PTPRN2: variants seen among roughly 807,000 people sequenced by gnomAD.
The protein encoded by PTPRN2 is receptor-type tyrosine-protein phosphatase N2.
A neutral mutation model predicts 118.8 loss-of-function variants in PTPRN2; 74 were observed. The ratio of observed to expected loss-of-function variants is 0.62; its 90% confidence interval spans 0.52 to 0.76. The LOEUF is 0.76. Among genes scored for constraint, PTPRN2 ranks in the 30% least tolerant of loss-of-function variants. The pLI is 0.00. For missense variants in PTPRN2, 1,481 were observed against 1,394.4 expected, an observed-to-expected ratio of 1.06 and a Z score of -0.99; for synonymous variants, 641 against 608.0, an observed-to-expected ratio of 1.05 and a Z score of -0.80.
intron 5 of PTPRN2, among the ~76,000 whole-genome samples, chr7:158,176,815 A>G (rs1454043473): frequency 6.6e-6 from 1 of 152,244 alleles, no homozygotes; most frequent in Non-Finnish European, 1.5e-5. Context: ...AAACTTTTAA[A>G]AAACTCAAAT....
At chr7:158,046,971 G>A (rs1808924527) in intron 11 of PTPRN2, among the ~76,000 whole-genome samples, 1 of 152,194 alleles carries the variant, frequency 6.6e-6, no homozygotes, top group African/African-American at 2.4e-5. Flanking sequence ...CAGTACAGGG[G>A]CAGGCAATCA....
rs529158650 is a variant in PTPRN2 at position 158,011,494 on chromosome 7, G to T, written c.1723+69804C>A. On this transcript the variant is annotated intron_variant, in intron 11 of 22. Coordinates refer to ENST00000389418, the MANE Select transcript of PTPRN2 (RefSeq NM_002847.5). ...CATGTTTAAAAGAAACCCCCAAACC[G>T]TCAGACCATCGTCACCGACGATCAC... Among the ~76,000 whole-genome samples, 23 of 152,272 alleles carry T rather than the reference G, an allele frequency of 1.5e-4. No homozygotes were observed. The East Asian group carries it at 2.1e-3, about 14-fold the overall frequency.
At chr7:158,318,759 G>T (rs576328193) in intron 2 of PTPRN2, among the ~76,000 whole-genome samples, 1 of 152,362 alleles carries the variant, frequency 6.6e-6, no homozygotes, top group South Asian at 2.1e-4. Flanking sequence ...CCCCCGGGGT[G>T]GACGTGCGTG....
intron 1 of PTPRN2, among the ~76,000 whole-genome samples, chr7:158,586,758 G>A (rs912453275): frequency 2.0e-5 from 3 of 152,202 alleles, no homozygotes; most frequent in African/African-American, 4.8e-5. Flanking sequence ...CTGCCCGCGG[G>A]GGGGTGCGGG....
intron 2 of PTPRN2, among the ~76,000 whole-genome samples, chr7:158,361,508 C>T (rs1808959072): frequency 6.6e-6 from 1 of 152,248 alleles, no homozygotes; most frequent in East Asian, 1.9e-4. Flanking sequence ...AGGCCATCCA[C>T]ACCTGGCAGA....
rs1234434084 is a variant in PTPRN2 at position 157,953,539 on chromosome 7, G to A, written c.1724-54802C>T. On this transcript the variant is annotated intron_variant, in intron 11 of 22. Coordinates refer to ENST00000389418, the MANE Select transcript of PTPRN2 (RefSeq NM_002847.5). The surrounding 1 kb of genome is among the most constrained non-coding windows in gnomAD (Gnocchi z 4.6). ...GCCTTTGCTGCCGGCTGCTGTCTGT[G>A]CTGCCCTGCAACCTGGATCCACATG... Among the ~76,000 whole-genome samples the A allele has an allele frequency of 6.6e-6, 1 of 152,182 alleles. No individual in the cohort carries two copies. Among genetic ancestry groups the A allele is most frequent in the Non-Finnish European group, 1.5e-5 (1 of 68,028 alleles).
chr7:157,860,834 C>T (rs564317297), intron 12 of PTPRN2, among the ~76,000 whole-genome samples: 3 of 152,236 alleles, frequency 2.0e-5, no homozygotes, highest in East Asian at 3.8e-4. Context: ...CACTGACGGC[C>T]GGGGCTGGTC....
Position 158,138,950 on chromosome 7 carries a change from A to G in PTPRN2, c.911-435T>C, listed in dbSNP as rs561079897. Reference sequence around the variant, plus strand: ...GCAAGGACAGCGCCCTGCCCAGGACACCCTGCCCAGCACACCCTGCCCAGC... The same window carrying G: ...GCAAGGACAGCGCCCTGCCCAGGACGCCCTGCCCAGCACACCCTGCCCAGC... On this transcript the variant is annotated intron_variant, in intron 6 of 22. Coordinates refer to ENST00000389418, the MANE Select transcript of PTPRN2 (RefSeq NM_002847.5). Among the ~76,000 whole-genome samples, 11 of 134,382 alleles carry G rather than the reference A, an allele frequency of 8.2e-5. No individual in the cohort carries two copies. In the East Asian group the frequency reaches 2.0e-3, roughly 24 times the overall value. 88.2% of individuals were successfully genotyped at this position (134,382 alleles called of 152,430 possible).
At position 157,615,565 on chromosome 7, in the gene PTPRN2, A is replaced by C; in HGVS notation, c.2344+5797T>G. 2.1e-6 allele frequency: 1 copy of C among 471,206 alleles called. No homozygotes were observed. The highest frequency in any genetic ancestry group is 1.5e-5 in the South Asian group (1 of 64,566). 29.2% of individuals were successfully genotyped at this position (471,206 alleles called of 1,614,324 possible). A position where few individuals can be genotyped will look rare whatever the true frequency, so the allele number is the denominator to read the frequency against. ...CCGTGGAAACAATCTCAGCCCTGGAACCAGCGCCTGGGAAGTCCCGCGGTG... is the reference window on the plus strand; with the variant it reads ...CCGTGGAAACAATCTCAGCCCTGGACCCAGCGCCTGGGAAGTCCCGCGGTG... On this transcript the variant is annotated intron_variant, in intron 15 of 22. Transcript: ENST00000389418. This position sits in a 1 kb window ranked among gnomAD's most constrained non-coding sequence, Gnocchi z 4.3.
intron 3 of PTPRN2, among the ~76,000 whole-genome samples, chr7:158,208,120 T>C (rs1827302953): frequency 6.6e-6 from 1 of 151,980 alleles, no homozygotes; most frequent in African/African-American, 2.4e-5. Context: ...GAAAAAAGGA[T>C]TTTAAAAAAT....
intron 14 of PTPRN2, among the ~76,000 whole-genome samples, chr7:157,641,821 C>A (rs1804684853): frequency 6.6e-6 from 1 of 152,198 alleles, no homozygotes; most frequent in Admixed American, 6.5e-5. Flanking sequence ...GAAGTCACAA[C>A]AATTACATGT....
chr7:158,104,162 A>G (rs1233669552), intron 10 of PTPRN2, among the ~76,000 whole-genome samples: 2 of 152,174 alleles, frequency 1.3e-5, no homozygotes, highest in Admixed American at 6.5e-5. Context: ...TGCCTGGCCT[A>G]GAGACAGATT....
intron 3 of PTPRN2, among the ~76,000 whole-genome samples, chr7:158,208,954 T>C (rs997425207): frequency 6.6e-6 from 1 of 152,168 alleles, no homozygotes; most frequent in South Asian, 2.1e-4. Flanking sequence ...TTAGTTTGCT[T>C]ATGTAATCAA....
At chr7:158,284,626 C>T (rs890322041) in intron 3 of PTPRN2, among the ~76,000 whole-genome samples, 2 of 152,138 alleles carry the variant, frequency 1.3e-5, no homozygotes, top group African/African-American at 2.4e-5. Context: ...GTGCCCCTTC[C>T]TGTCCCACTC....
At chr7:158,149,941 A>G (rs57671842) in intron 6 of PTPRN2, among the ~76,000 whole-genome samples, 9,451 of 152,004 alleles carry the variant, frequency 0.062, 979 homozygotes, top group African/African-American at 0.21. Flanking sequence ...TAAATAAAAC[A>G]TATGAAAAAT....
chr7:158,081,776 T>TA (rs1262566461), intron 10 of PTPRN2, among the ~76,000 whole-genome samples: 1 of 152,202 alleles, frequency 6.6e-6, no homozygotes, highest in Admixed American at 6.5e-5. Flanking sequence ...TAGTATTTTT[T>TA]AAACTCTTTT....
Position 157,764,187 on chromosome 7 carries a change from T to G in PTPRN2, c.1789-81250A>C, listed in dbSNP as rs1802312645. On this transcript the variant is annotated intron_variant, in intron 12 of 22. Transcript: ENST00000389418. The surrounding 1 kb of genome is among the most constrained non-coding windows in gnomAD (Gnocchi z 4.5). Reference sequence around the variant, plus strand: ...CGCTGTTAGTGGGTCCTCAAAAAACTAACCACAGAATCAGCCCAGGACCCA... The same window carrying G: ...CGCTGTTAGTGGGTCCTCAAAAAACGAACCACAGAATCAGCCCAGGACCCA... 6.6e-6 allele frequency among the ~76,000 whole-genome samples: 1 copy of G among 152,104 alleles called. No homozygotes were observed. Among genetic ancestry groups the G allele is most frequent in the South Asian group, 2.1e-4 (1 of 4,818 alleles).
chr7:158,331,096 G>A (rs1297978047), intron 2 of PTPRN2, among the ~76,000 whole-genome samples: 2 of 138,248 alleles, frequency 1.4e-5, no homozygotes, highest in African/African-American at 2.8e-5. Context: ...GCTGATGCCC[G>A]CAGACGTCAC....
At chr7:157,678,369 A>G (rs1796766458) in intron 13 of PTPRN2, among the ~76,000 whole-genome samples, 1 of 152,176 alleles carries the variant, frequency 6.6e-6, no homozygotes, top group South Asian at 2.1e-4. Context: ...TGAACATCCT[A>G]CTTCTATTAC....
Sources: gnomAD v4.1 joint callset for allele counts (sites outside exome capture counted in the v4.1 genomes callset) on GRCh38, gnomAD v4.1.1 for gene constraint, Gnocchi (gnomAD v3.1) non-coding constraint, MANE v1.5 for transcripts, NCBI Gene and HGNC (gene_info 2026-07-23, HGNC 2026-07-21) for gene names.